The following SNURF variants were observed in gnomAD, a reference collection of about 807,000 sequenced individuals.
SNURF encodes SNURF protein.
Under a neutral mutation model 11.6 loss-of-function variants are expected in SNURF, and 6 were observed. The observed-to-expected ratio is 0.52, with a 90% CI of 0.28 to 1.02. The LOEUF is 1.02. Ranked by LOEUF, SNURF falls within the 50% of genes least tolerant of loss-of-function variation. The pLI is 0.09. For synonymous variants in SNURF, 29 were observed against 31.6 expected, an observed-to-expected ratio of 0.92 and a Z score of 0.27; for missense variants, 84 against 88.4, an observed-to-expected ratio of 0.95 and a Z score of 0.20.
intron 1 of SNURF, 130 bp from the exon 2 acceptor site, chr15:24,961,984 A>G (rs1013998654): frequency 1.3e-5 from 11 of 857,908 alleles, no homozygotes; most frequent in Admixed American, 2.0e-5. Flanking sequence ...ATCTTGTAAT[A>G]ATTTTACCTT....
intron 3 of SNURF, chr15:24,974,624 T>A: frequency 5.6e-6 from 4 of 712,828 alleles, no homozygotes; most frequent in Non-Finnish European, 9.9e-6. Context: ...CTGATTTTTT[T>A]ATTTTTATTT....
At chr15:24,974,872 T>C in intron 3 of SNURF, 1 of 701,152 alleles carries the variant, frequency 1.4e-6, no homozygotes, top group Non-Finnish European at 2.6e-6. Flanking sequence ...CCATGAGAAA[T>C]GTTTCATGAT....
chr15:24,972,817 A>G (rs1412577308), downstream of SNURF, among the ~76,000 whole-genome samples: 1 of 152,098 alleles, frequency 6.6e-6, no homozygotes, highest in Non-Finnish European at 1.5e-5. Context: ...CCGTTCAACA[A>G]CAGACTGCAT....
intron 2 of SNURF, 123 bp from the exon 3 acceptor site, chr15:24,967,809 A>AG (rs1491148509): frequency 3.1e-5 from 2 of 64,830 alleles, no homozygotes; most frequent in African/African-American, 1.1e-4. Context: ...CCCTGTCTGG[A>AG]AAAAAAAAAA....
intron 2 of SNURF, 72 bp downstream of exon 2, chr15:24,962,281 A>G (rs1417778906): frequency 5.0e-6 from 6 of 1,188,604 alleles, no homozygotes; most frequent in South Asian, 4.9e-5. Flanking sequence ...ATATCATGCA[A>G]TGAGGGGATT....
exon 1 of SNURF, chr15:24,954,994 G>A (rs541877352): frequency 2.5e-6 from 4 of 1,609,948 alleles, no homozygotes; most frequent in Non-Finnish European, 3.4e-6. Flanking sequence ...GGCGCAGAGT[G>A]GAGCGGCCGC....
exon 4 of SNURF, chr15:24,975,463 C>T: frequency 3.1e-6 from 5 of 1,613,818 alleles, no homozygotes; most frequent in Non-Finnish European, 4.2e-6. Flanking sequence ...TTTTGACAAG[C>T]ATATGAATTT....
At chr15:24,955,014 C>G (rs563550744) in exon 1 of SNURF, 2 of 1,612,276 alleles carry the variant, frequency 1.2e-6, no homozygotes, top group African/African-American at 1.3e-5. Context: ...CCGGAGATGC[C>G]TGACGCATCT....
chr15:24,957,728 T>C (rs2153409611), intron 1 of SNURF, among the ~76,000 whole-genome samples: 1 of 152,280 alleles, frequency 6.6e-6, no homozygotes, highest in Middle Eastern at 3.4e-3. Flanking sequence ...ATGATATTTA[T>C]AATTTACCCT....
rs75124901 is a variant in SNURF, at chr15:24,958,042, A to G, written c.14+2980A>G. Among the ~76,000 whole-genome samples the G allele has an allele frequency of 7.2e-3, 1,096 of 152,272 alleles. 19 individuals carry two copies. Among genetic ancestry groups the G allele is most frequent in the African/African-American group, 0.025 (1,026 of 41,550 alleles). On this transcript the variant is annotated intron_variant, in intron 1 of 2. Transcript: ENST00000577949. ...AGACCCTTATGTTGTTGTCTAAGGC[A>G]GGGTACTAACTGATTTGGATTTATT... is the stretch of plus-strand genomic sequence containing the variant.
chr15:24,957,916 A>G (rs889331035), intron 1 of SNURF, among the ~76,000 whole-genome samples: 1 of 152,118 alleles, frequency 6.6e-6, no homozygotes, highest in African/African-American at 2.4e-5. Context: ...TGAAGTTTCA[A>G]GGTCTGTGTC....
downstream of SNURF, among the ~76,000 whole-genome samples, chr15:24,972,475 A>C (rs1297444169): frequency 1.3e-5 from 2 of 151,524 alleles, no homozygotes; most frequent in Admixed American, 1.3e-4. Flanking sequence ...GTTTTATTTA[A>C]TACATTTTTT....
At chr15:24,956,358 G>GGGGT (rs1555404335) in intron 1 of SNURF, among the ~76,000 whole-genome samples, 9 of 151,570 alleles carry the variant, frequency 5.9e-5, no homozygotes, top group Non-Finnish European at 1.3e-4. Context: ...CTTCAGCGGG[G>GGGGT]GGGTGGCCGC....
chr15:24,957,961 TGGAGGCAGGGAGTG>T (rs1328166951), intron 1 of SNURF, among the ~76,000 whole-genome samples: 1 of 152,138 alleles, frequency 6.6e-6, no homozygotes, highest in Non-Finnish European at 1.5e-5. Flanking sequence ...TAGGGCTTTT[TGGAGGCAGGGAGTG>T]GCAGCCCTTC....
chr15:24,975,516 C>T lies in SNURF; in HGVS notation c.*197+7C>T, dbSNP rs946711001. The T allele has an allele frequency of 2.5e-6, 4 of 1,611,136 alleles. No individual in the cohort carries two copies. Among genetic ancestry groups the T allele is most frequent in the African/African-American group, 1.3e-5 (1 of 74,978 alleles). On this transcript the variant is annotated splice_region_variant and intron_variant and NMD_transcript_variant, in intron 4 of 6. Transcript: ENST00000580062. ...ATGAGTTCAGAAAGATCAAGTAAGG[C>T]TGATTTGGGCAAATGGGGGTTGGAC...
chr15:24,975,239 A>G (rs1017175174), intron 3 of SNURF: 5 of 740,138 alleles, frequency 6.8e-6, no homozygotes, highest in East Asian at 2.5e-5. Context: ...AAAGGAGAGA[A>G]TATTTGTTTA....
intron 3 of SNURF, chr15:24,974,404 A>T: frequency 6.3e-7 from 1 of 1,598,140 alleles, no homozygotes; most frequent in Non-Finnish European, 8.6e-7. Context: ...CTAGGTCTTC[A>T]GAAGCATCAA....
chr15:24,977,614 G>C (rs2077213197), intron 6 of SNURF, among the ~76,000 whole-genome samples: 1 of 152,022 alleles, frequency 6.6e-6, no homozygotes, highest in South Asian at 2.1e-4. Flanking sequence ...CTCCAGCCTG[G>C]GTGACAAGAG....
intron 1 of SNURF, among the ~76,000 whole-genome samples, chr15:24,961,631 G>C (rs901387631): frequency 6.6e-6 from 1 of 151,798 alleles, no homozygotes; most frequent in Non-Finnish European, 1.5e-5. Flanking sequence ...CCTAAAGAAA[G>C]CACCATTTGC....
Sources: allele counts gnomAD v4.1 joint callset (sites outside exome capture counted in the v4.1 genomes callset), GRCh38; gene constraint gnomAD v4.1.1; transcripts MANE v1.5; gene names NCBI Gene and HGNC (gene_info 2026-07-23, HGNC 2026-07-21).